Variants in TENM2 observed in about 807,000 individuals in gnomAD.
The protein encoded by TENM2 is teneurin-2.
A neutral mutation model predicts 245.2 loss-of-function variants in TENM2; 52 were observed. That is an observed-to-expected ratio of 0.21 (90% CI 0.17 to 0.27). The LOEUF (loss-of-function observed/expected upper bound fraction) is 0.27, where lower values mean the gene tolerates loss of function less well. Among genes scored for constraint, TENM2 ranks in the 10% least tolerant of loss-of-function variants. The pLI is 1.00. For synonymous variants in TENM2, 1,363 were observed against 1,438.9 expected (o/e 0.95, Z 1.19); for missense variants, 3,046 against 3,666.8 (o/e 0.83, Z 4.37).
chr5:167,552,792 A>C (rs1312604770), intron 2 of TENM2, among the ~76,000 whole-genome samples: 1 of 152,236 alleles, frequency 6.6e-6, no homozygotes, highest in African/African-American at 2.4e-5. Context: ...GAGGAGTTAC[A>C]TTCTTAAACA....
chr5:168,185,238 C>G (rs2152498912), intron 13 of TENM2: 1 of 152,326 alleles, frequency 6.6e-6, no homozygotes, highest in African/African-American at 2.4e-5. Flanking sequence ...CATCGGCTGC[C>G]TTTCTCTACT....
chr5:167,289,973 T>C (rs943977310), intron 1 of TENM2, among the ~76,000 whole-genome samples: 6 of 152,232 alleles, frequency 3.9e-5, no homozygotes, highest in Non-Finnish European at 7.3e-5. Context: ...CTGTGGTCAG[T>C]ATCTTGAAGG....
At chr5:168,032,424 G>C (rs539479890) in intron 5 of TENM2, among the ~76,000 whole-genome samples, 4 of 152,164 alleles carry the variant, frequency 2.6e-5, no homozygotes, top group African/African-American at 9.7e-5. Context: ...GAAACATCTG[G>C]GGTAGTCTGG....
chr5:167,347,016 C>T (rs1244797116), intron 1 of TENM2, among the ~76,000 whole-genome samples: 1 of 152,002 alleles, frequency 6.6e-6, no homozygotes. Context: ...TGAAGTAATC[C>T]GGACACCTTG....
chr5:167,477,679 G>T (rs908531041), intron 2 of TENM2, among the ~76,000 whole-genome samples: 1 of 152,128 alleles, frequency 6.6e-6, no homozygotes, highest in African/African-American at 2.4e-5. Context: ...CAAAAGTGTT[G>T]ATTGGTGAGG....
chr5:167,854,644 T>A (rs888483357), intron 2 of TENM2, among the ~76,000 whole-genome samples: 2 of 152,206 alleles, frequency 1.3e-5, no homozygotes, highest in African/African-American at 2.4e-5. Context: ...TTGGCATCAT[T>A]TTCAAATATT....
At chr5:167,142,333 A>G in the TENM2 span, among the ~76,000 whole-genome samples, 1 of 151,952 alleles carries the variant, frequency 6.6e-6, no homozygotes, top group Non-Finnish European at 1.5e-5. Context: ...TGTTAAGATA[A>G]TGGCACTTCT....
At chr5:168,049,020 G>C (rs1221836223) in intron 6 of TENM2, among the ~76,000 whole-genome samples, 1 of 152,158 alleles carries the variant, frequency 6.6e-6, no homozygotes, top group Non-Finnish European at 1.5e-5. Context: ...TTGAAACCTG[G>C]TCACCTCCAG....
chr5:167,925,768 GC>G (rs1337386687), intron 3 of TENM2, among the ~76,000 whole-genome samples: 2 of 152,188 alleles, frequency 1.3e-5, no homozygotes, highest in Admixed American at 6.5e-5. Flanking sequence ...GGAATACTAT[GC>G]CGCCATGAGA....
chr5:168,226,703 A>ATGAG (rs949939795), intron 24 of TENM2, among the ~76,000 whole-genome samples: 2 of 152,020 alleles, frequency 1.3e-5, no homozygotes, highest in African/African-American at 2.4e-5. Context: ...CATTTGTTTG[A>ATGAG]TGAGTTGGTT....
chr5:168,139,658 C>T, intron 12 of TENM2: 1 of 438,278 alleles, frequency 2.3e-6, no homozygotes, highest in African/African-American at 2.0e-5. Context: ...AGGGAAGAGC[C>T]TCTAGAAAGA....
At chr5:167,500,874 C>T (rs896230202) in intron 2 of TENM2, among the ~76,000 whole-genome samples, 2 of 152,066 alleles carry the variant, frequency 1.3e-5, no homozygotes, top group Admixed American at 6.6e-5. Flanking sequence ...AGAACAATAC[C>T]GGTGGCCCCC....
intron 2 of TENM2, among the ~76,000 whole-genome samples, chr5:167,703,678 G>A (rs945556255): frequency 3.3e-5 from 5 of 152,052 alleles, no homozygotes; most frequent in African/African-American, 7.2e-5. Flanking sequence ...TTCTGGAAAT[G>A]TACGGTAGAA....
chr5:167,551,947 C>A (rs1772974795), intron 2 of TENM2, among the ~76,000 whole-genome samples: 1 of 152,152 alleles, frequency 6.6e-6, no homozygotes, highest in South Asian at 2.1e-4. Flanking sequence ...CTCCTTCAAG[C>A]CAGGCAGTCA....
intron 2 of TENM2, among the ~76,000 whole-genome samples, chr5:167,469,077 TAATA>T (rs1224865948): frequency 2.6e-5 from 4 of 152,186 alleles, no homozygotes; most frequent in African/African-American, 9.6e-5. Context: ...AATGCTATCT[TAATA>T]AAACTATTCT....
rs2150248324 is a variant in TENM2, at chr5:167,640,870, TATATA to T, written c.503-235115_503-235111del. Among the ~76,000 whole-genome samples, 2 of 40,414 alleles carry T rather than the reference TATATA, an allele frequency of 4.9e-5. 1 individual carries two copies. The highest frequency in any genetic ancestry group is 1.7e-3 in the South Asian group (2 of 1,168). 26.5% of individuals were successfully genotyped at this position (40,414 alleles called of 152,430 possible). The stretch of plus-strand genomic sequence containing the variant: ...ATATATATATATATCCATATATATA[TATATA>T]TATATATATATATATATATATATAT... On this transcript the variant is annotated intron_variant, in intron 2 of 28. Coordinates refer to ENST00000518659, the Ensembl canonical transcript of TENM2.
At chr5:167,726,549 C>A (rs143548071) in intron 2 of TENM2, among the ~76,000 whole-genome samples, 1 of 152,234 alleles carries the variant, frequency 6.6e-6, no homozygotes, top group African/African-American at 2.4e-5. Flanking sequence ...GACTTGGCCT[C>A]CCAATCTCAA....
chr5:166,993,451 G>A, the TENM2 span, among the ~76,000 whole-genome samples: 287 of 152,248 alleles, frequency 1.9e-3, 2 homozygotes, highest in Middle Eastern at 0.034. Flanking sequence ...AGCTCAGCCC[G>A]AAAGAGCTTC....
At chr5:167,445,336 T>TAGGGAGAGAGAGAGAGAG (rs1554154175) in intron 2 of TENM2, among the ~76,000 whole-genome samples, 5 of 77,316 alleles carry the variant, frequency 6.5e-5, no homozygotes, top group African/African-American at 2.8e-4. Flanking sequence ...TATATATATA[T>TAGGGAGAGAGAGAGAGAG]AGAGAGAGAG....
Sources: allele counts gnomAD v4.1 joint callset (sites outside exome capture counted in the v4.1 genomes callset), GRCh38; gene constraint gnomAD v4.1.1; transcripts MANE v1.5; gene names NCBI Gene and HGNC (gene_info 2026-07-23, HGNC 2026-07-21).